The following HS3ST5 variants were observed in gnomAD, a reference collection of about 807,000 sequenced individuals.
HS3ST5 encodes the protein heparan sulfate-glucosamine 3-sulfotransferase 5.
A neutral mutation model predicts 25.4 loss-of-function variants in HS3ST5; 10 were observed. The ratio of observed to expected loss-of-function variants is 0.39; its 90% confidence interval spans 0.24 to 0.67. HS3ST5 has a LOEUF of 0.67. Ranked by LOEUF, HS3ST5 falls within the 30% of genes least tolerant of loss-of-function variation. The probability of loss-of-function intolerance (pLI) is 0.44; values close to 1 mark genes in which losing one functional copy is unlikely to be tolerated. For synonymous variants in HS3ST5, 170 were observed against 162.4 expected (o/e 1.05, Z -0.36); for missense variants, 324 against 420.7 (o/e 0.77, Z 2.01).
chr6:114,188,251 G>C (rs2114280040), intron 2 of HS3ST5, among the ~76,000 whole-genome samples: 1 of 147,690 alleles, frequency 6.8e-6, no homozygotes, highest in African/African-American at 2.5e-5. Context: ...CACTCTCTCA[G>C]GGAAAATTTT....
At chr6:114,168,099 A>T (rs951872974) in intron 3 of HS3ST5, among the ~76,000 whole-genome samples, 7 of 152,306 alleles carry the variant, frequency 4.6e-5, no homozygotes, top group Middle Eastern at 3.4e-3. Flanking sequence ...AATAAAAAAA[A>T]TTTTTAAAAA....
chr6:114,197,627 A>C, intron 2 of HS3ST5, among the ~76,000 whole-genome samples: 1 of 150,348 alleles, frequency 6.7e-6, no homozygotes, highest in Non-Finnish European at 1.5e-5. Flanking sequence ...GCCTTTGCCC[A>C]CTCCCTCCCT....
intron 2 of HS3ST5, among the ~76,000 whole-genome samples, chr6:114,178,092 T>C (rs1779804679): frequency 6.6e-6 from 1 of 152,226 alleles, no homozygotes; most frequent in Admixed American, 6.5e-5. Context: ...TTTCTTTTCT[T>C]TAAGCATACA....
intron 1 of HS3ST5, among the ~76,000 whole-genome samples, chr6:114,300,457 A>C (rs1157787769): frequency 6.6e-6 from 1 of 152,220 alleles, no homozygotes; most frequent in Non-Finnish European, 1.5e-5. Flanking sequence ...ATGAGATATC[A>C]CTTCACCACC....
chr6:114,311,539 C>CTTTTT lies in HS3ST5; in HGVS notation c.-339+30651_-339+30655dup, dbSNP rs11463610. ...ACATATTTTCTTTCTTTCTCTCTCT[C>CTTTTT]TTTTTTTTTTTTTTTTTTTTTTTGA... is the stretch of plus-strand genomic sequence containing the variant. On this transcript the variant is annotated intron_variant, in intron 1 of 4. Transcript: ENST00000312719. 5.8e-3 allele frequency among the ~76,000 whole-genome samples: 494 copies of CTTTTT among 84,896 alleles called. 9 individuals are homozygous for CTTTTT. Among genetic ancestry groups the CTTTTT allele is most frequent in the Middle Eastern group, 0.014 (1 of 74 alleles). 55.7% of individuals were successfully genotyped at this position (84,896 alleles called of 152,430 possible). A position where few individuals can be genotyped will look rare whatever the true frequency, so the allele number is the denominator to read the frequency against.
At chr6:114,305,959 G>C (rs1775270042) in intron 1 of HS3ST5, among the ~76,000 whole-genome samples, 1 of 152,040 alleles carries the variant, frequency 6.6e-6, no homozygotes, top group South Asian at 2.1e-4. Context: ...ATGTTGAACT[G>C]AGAGACCAAC....
intron 1 of HS3ST5, among the ~76,000 whole-genome samples, chr6:114,231,842 C>T (rs892115064): frequency 7.3e-5 from 11 of 150,958 alleles, no homozygotes; most frequent in African/African-American, 2.7e-4. Context: ...TGGCAGCCAT[C>T]TTGGGATCAT....
intron 3 of HS3ST5, among the ~76,000 whole-genome samples, chr6:114,105,613 A>C (rs1240912299): frequency 6.6e-6 from 1 of 152,194 alleles, no homozygotes; most frequent in Non-Finnish European, 1.5e-5. Flanking sequence ...AACAATTTTC[A>C]AGAATTAAAT....
intron 2 of HS3ST5, among the ~76,000 whole-genome samples, chr6:114,190,548 A>G (rs866431409): frequency 6.6e-5 from 10 of 152,288 alleles, no homozygotes; most frequent in Middle Eastern, 3.4e-3. Context: ...CACCATGACT[A>G]CCTTGCTTAT....
chr6:114,250,871 A>G (rs1306966148), intron 1 of HS3ST5, among the ~76,000 whole-genome samples: 3 of 152,220 alleles, frequency 2.0e-5, no homozygotes. Flanking sequence ...TTGCTTACTC[A>G]TGACTAAAAA....
At chr6:114,234,902 C>A (rs1283577951) in intron 1 of HS3ST5, among the ~76,000 whole-genome samples, 1 of 152,080 alleles carries the variant, frequency 6.6e-6, no homozygotes, top group Non-Finnish European at 1.5e-5. Context: ...GTGGGCAGAT[C>A]ACCTGAGGTC....
rs184469800 is a variant in HS3ST5, at chr6:114,153,800, A to G, written c.-33+14551T>C. ...TATAGTCACCTTATTAATAACTACT[A>G]TCTTAGTACTCACAACAATCCTGCA... is the stretch of plus-strand genomic sequence containing the variant. On this transcript the variant is annotated intron_variant, in intron 3 of 4. Coordinates refer to ENST00000312719, the MANE Select transcript of HS3ST5 (RefSeq NM_153612.4). 2.0e-3 allele frequency among the ~76,000 whole-genome samples: 307 copies of G among 152,310 alleles called. 2 individuals carry two copies. Among genetic ancestry groups the G allele is most frequent in the African/African-American group, 7.1e-3 (295 of 41,574 alleles).
intron 3 of HS3ST5, among the ~76,000 whole-genome samples, chr6:114,118,073 C>G (rs905131667): frequency 3.3e-5 from 5 of 152,026 alleles, no homozygotes; most frequent in Admixed American, 2.6e-4. Context: ...GAATTAATGC[C>G]GACACCAACA....
At chr6:114,315,436 G>T (rs785133) in intron 1 of HS3ST5, among the ~76,000 whole-genome samples, 99,646 of 152,012 alleles carry the variant, frequency 0.66, 33,106 homozygotes, top group African/African-American at 0.72. Context: ...TTTGTTAAAT[G>T]TATTTTAATA....
chr6:114,329,540 T>C (rs1776306393), intron 1 of HS3ST5, among the ~76,000 whole-genome samples: 1 of 152,132 alleles, frequency 6.6e-6, no homozygotes, highest in South Asian at 2.1e-4. Context: ...CTTCTCTAAC[T>C]TCTCTTGACA....
chr6:114,280,340 G>A (rs1774052300), intron 1 of HS3ST5, among the ~76,000 whole-genome samples: 1 of 151,842 alleles, frequency 6.6e-6, no homozygotes, highest in Non-Finnish European at 1.5e-5. Context: ...ATTTAACAGG[G>A]GCCTAGTGAG....
At chr6:114,214,018 C>T (rs1273926640) in intron 2 of HS3ST5, among the ~76,000 whole-genome samples, 1 of 152,188 alleles carries the variant, frequency 6.6e-6, no homozygotes, top group Non-Finnish European at 1.5e-5. Flanking sequence ...AGCCTTCATT[C>T]ACTCTGTTTT....
At chr6:114,113,636 C>T (rs186027682) in intron 3 of HS3ST5, among the ~76,000 whole-genome samples, 117 of 152,014 alleles carry the variant, frequency 7.7e-4, no homozygotes, top group African/African-American at 2.6e-3. Flanking sequence ...TTACTCATAG[C>T]GTATATCAGT....
At chr6:114,210,521 G>A (rs1453648807) in intron 2 of HS3ST5, among the ~76,000 whole-genome samples, 1 of 152,082 alleles carries the variant, frequency 6.6e-6, no homozygotes, top group Non-Finnish European at 1.5e-5. Flanking sequence ...TACTATGAAC[G>A]CAAAACTGAT....
Sources: gnomAD v4.1 joint callset for allele counts (sites outside exome capture counted in the v4.1 genomes callset) on GRCh38, gnomAD v4.1.1 for gene constraint, MANE v1.5 for transcripts, NCBI Gene and HGNC (gene_info 2026-07-23, HGNC 2026-07-21) for gene names.